The following TEKT5 variants were observed in gnomAD, a reference collection of about 807,000 sequenced individuals.
The protein encoded by TEKT5 is tektin 5, also known as tektin-5.
Under a neutral mutation model 48.7 loss-of-function variants are expected in TEKT5, and 52 were observed. That is an observed-to-expected ratio of 1.07 (90% CI 0.86 to 1.35). TEKT5 has a LOEUF of 1.35. TEKT5 is among the 40% of genes most tolerant of loss of function. The probability of loss-of-function intolerance (pLI) is 0.00; values close to 1 mark genes in which losing one functional copy is unlikely to be tolerated. For synonymous variants in TEKT5, 318 were observed against 267.6 expected, an observed-to-expected ratio of 1.19 and a Z score of -1.84; for missense variants, 831 against 641.6, an observed-to-expected ratio of 1.30 and a Z score of -3.19.
At chr16:10,642,403 C>T (rs1436661110) in intron 5 of TEKT5, among the ~76,000 whole-genome samples, 1 of 152,180 alleles carries the variant, frequency 6.6e-6, no homozygotes, top group East Asian at 1.9e-4. Flanking sequence ...TCCCCCAGAG[C>T]CCACTGAAAT....
In TEKT5 at chr16:10,685,837, G is replaced by A. The variant is rs537992135; in HGVS notation, c.719+3416C>T. On this transcript the variant is annotated intron_variant, in intron 3 of 6. Transcript: ENST00000283025. Reference sequence around the variant, plus strand: ...TGTCTCCATCTGTCTCAGTCTTCCTGGTTCTCCCAGATCCCCCCACCTCTG... The same window carrying A: ...TGTCTCCATCTGTCTCAGTCTTCCTAGTTCTCCCAGATCCCCCCACCTCTG... Among the ~76,000 whole-genome samples the A allele has an allele frequency of 2.6e-5, 4 of 152,136 alleles. No homozygotes were observed. The East Asian group carries it at 7.7e-4, about 29-fold the overall frequency.
Position 10,679,980 on chromosome 16 carries a change from C to A in TEKT5, c.863+2013G>T, listed in dbSNP as rs527497601. ...ACATCTGGGGAGCAATTAGTTGCTACAAACAGCAGCTCTCTTCTCCAGATG... is the reference window on the plus strand; with the variant it reads ...ACATCTGGGGAGCAATTAGTTGCTAAAAACAGCAGCTCTCTTCTCCAGATG... On this transcript the variant is annotated intron_variant, in intron 4 of 6. Coordinates refer to ENST00000283025, the MANE Select transcript of TEKT5 (RefSeq NM_144674.2). Among the ~76,000 whole-genome samples, 80 of 152,368 alleles carry A rather than the reference C, an allele frequency of 5.3e-4. No homozygotes were observed. In the Middle Eastern group the frequency reaches 0.014, roughly 26 times the overall value.
intron 5 of TEKT5, among the ~76,000 whole-genome samples, chr16:10,663,071 T>G (rs970069113): frequency 2.0e-5 from 3 of 152,086 alleles, no homozygotes; most frequent in African/African-American, 7.2e-5. Flanking sequence ...GCACCCAGAA[T>G]GTGGAAAGGG....
Position 10,676,078 on chromosome 16 carries a change from G to C in TEKT5, c.967C>G (p.Leu323Val), listed in dbSNP as rs368333569. 3 of 1,614,120 alleles carry C rather than the reference G, an allele frequency of 1.9e-6. No homozygotes were observed. In the African/African-American group the frequency reaches 4.0e-5, roughly 22 times the overall value. Residue 323 changes from leucine (L) to valine (V), a missense_variant, in exon 5 of 7, where the codon CTC (leucine) becomes GTC (valine). Transcript: ENST00000283025. ...SIQLREEAEH[L>V]FETLSDQMWR... ...ATCTGATCCGACAAGGTCTCAAAGAGGTGCTCCGCCTCCTCCCGCAGCTGG... is the reference window on the plus strand; with the variant it reads ...ATCTGATCCGACAAGGTCTCAAAGACGTGCTCCGCCTCCTCCCGCAGCTGG...
At chr16:10,644,571 G>C (rs1192273121) in intron 5 of TEKT5, among the ~76,000 whole-genome samples, 1 of 152,096 alleles carries the variant, frequency 6.6e-6, no homozygotes, top group Non-Finnish European at 1.5e-5. Flanking sequence ...CCCTCACCTG[G>C]CTTCCCCCTT....
intron 5 of TEKT5, among the ~76,000 whole-genome samples, chr16:10,649,702 C>T (rs1186095990): frequency 6.6e-6 from 1 of 152,182 alleles, no homozygotes; most frequent in African/African-American, 2.4e-5. Context: ...TCCTAAAGTG[C>T]CGGGATTACA....
chr16:10,680,388 T>C (rs1567234824), intron 4 of TEKT5, among the ~76,000 whole-genome samples: 2 of 152,278 alleles, frequency 1.3e-5, no homozygotes, highest in South Asian at 4.1e-4. Flanking sequence ...TCCTCCTTCA[T>C]TCATTCTTCT....
intron 5 of TEKT5, among the ~76,000 whole-genome samples, chr16:10,654,400 A>G (rs1283101493): frequency 6.6e-6 from 1 of 152,138 alleles, no homozygotes; most frequent in Non-Finnish European, 1.5e-5. Context: ...GGTTAATTGT[A>G]TATGTTAACT....
chr16:10,681,805 G>A (rs1444962985), intron 4 of TEKT5, among the ~76,000 whole-genome samples, 188 bp downstream of exon 4: 4 of 151,854 alleles, frequency 2.6e-5, no homozygotes, highest in Non-Finnish European at 4.4e-5. Flanking sequence ...TACCTCCTCC[G>A]GTAAATTCCA....
chr16:10,643,706 T>C (rs1224915164), intron 5 of TEKT5, among the ~76,000 whole-genome samples: 1 of 152,228 alleles, frequency 6.6e-6, no homozygotes, highest in Non-Finnish European at 1.5e-5. Flanking sequence ...TGGTATATTA[T>C]TATCAAAGTA....
chr16:10,685,554 C>G (rs1898849478), intron 3 of TEKT5, among the ~76,000 whole-genome samples: 2 of 152,144 alleles, frequency 1.3e-5, no homozygotes, highest in African/African-American at 4.8e-5. Flanking sequence ...ACCTCGGCCT[C>G]CCAAAGTGCT....
rs188255020 is a variant in TEKT5 at position 10,642,170 on chromosome 16, G to A, written c.1087-6252C>T. 1.9e-3 allele frequency among the ~76,000 whole-genome samples: 287 copies of A among 152,262 alleles called. 1 individual carries two copies. Among genetic ancestry groups the A allele is most frequent in the African/African-American group, 6.6e-3 (273 of 41,532 alleles). On this transcript the variant is annotated intron_variant, in intron 5 of 6. Coordinates refer to ENST00000283025, the MANE Select transcript of TEKT5 (RefSeq NM_144674.2). ...GTGTTCTAGAGCTTTGATATCTGAG[G>A]CCTTGCTGACCCTAGAGGCACTAGC...
chr16:10,668,626 T>C (rs1389071241), intron 5 of TEKT5, among the ~76,000 whole-genome samples: 1 of 152,160 alleles, frequency 6.6e-6, no homozygotes, highest in East Asian at 1.9e-4. Context: ...CAGGCCTTCC[T>C]GCCCAGGCCT....
At chr16:10,672,314 C>G (rs1446602212) in intron 5 of TEKT5, among the ~76,000 whole-genome samples, 1 of 152,156 alleles carries the variant, frequency 6.6e-6, no homozygotes, top group Non-Finnish European at 1.5e-5. Context: ...TGGTGGCTCA[C>G]ACATGTAATT....
intron 5 of TEKT5, among the ~76,000 whole-genome samples, chr16:10,638,895 C>A (rs992772662): frequency 1.3e-5 from 2 of 152,230 alleles, no homozygotes; most frequent in Admixed American, 1.3e-4. Flanking sequence ...AAAGTACTAT[C>A]TGCAAGTGAT....
At chr16:10,664,373 A>G (rs148386114) in intron 5 of TEKT5, among the ~76,000 whole-genome samples, 27 of 152,330 alleles carry the variant, frequency 1.8e-4, no homozygotes, top group African/African-American at 5.8e-4. Context: ...GCTAGACCCC[A>G]CTGGCAGACT....
rs138494815 is a variant in TEKT5, at chr16:10,671,158, G to C, written c.1086+4801C>G. 1.9e-3 allele frequency among the ~76,000 whole-genome samples: 285 copies of C among 152,224 alleles called. 1 individual carries two copies. Among genetic ancestry groups the C allele is most frequent in the African/African-American group, 5.4e-3 (224 of 41,512 alleles). ...TCATTTGTCAAGCACTGTTTTAAGA[G>C]CTCCAGAGATTACCTCATTAATACA... On this transcript the variant is annotated intron_variant, in intron 5 of 6. Transcript: ENST00000283025.
intron 5 of TEKT5, among the ~76,000 whole-genome samples, chr16:10,649,079 A>AACTGGTACT (rs2142271996): frequency 6.6e-6 from 1 of 151,976 alleles, no homozygotes; most frequent in South Asian, 2.1e-4. Flanking sequence ...CCACCTGAGT[A>AACTGGTACT]ACTGGTACTA....
chr16:10,687,373 A>T lies in TEKT5; in HGVS notation c.719+1880T>A, dbSNP rs2541493. Among the ~76,000 whole-genome samples the T allele has an allele frequency of 1.6e-3, 239 of 152,370 alleles. 1 individual carries two copies. The highest frequency in any genetic ancestry group is 5.5e-3 in the African/African-American group (230 of 41,596). ...TAAAAATGAATAAGTAATTAAAAAA[A>T]TAAGTGTAAGAAAAATGCAATAAAA... On this transcript the variant is annotated intron_variant, in intron 3 of 6. Transcript: ENST00000283025.
Sources: allele counts gnomAD v4.1 joint callset (sites outside exome capture counted in the v4.1 genomes callset), GRCh38; gene constraint gnomAD v4.1.1; transcripts MANE v1.5; gene names NCBI Gene and HGNC (gene_info 2026-07-23, HGNC 2026-07-21).